PELI2: variants seen among roughly 807,000 people sequenced by gnomAD.
The protein encoded by PELI2 is pellino E3 ubiquitin protein ligase family member 2.
PELI2 carries 23 observed loss-of-function variants against 42.3 expected under a neutral mutation model. The ratio of observed to expected loss-of-function variants is 0.54; its 90% CI spans 0.39 to 0.77. The LOEUF (loss-of-function observed/expected upper bound fraction) is 0.77, where lower values mean the gene tolerates loss of function less well. Ranked by LOEUF, PELI2 falls within the 30% of genes least tolerant of loss-of-function variation. The probability of loss-of-function intolerance (pLI) is 0.00; values close to 1 mark genes in which losing one functional copy is unlikely to be tolerated. For missense variants in PELI2, 463 were observed against 553.2 expected (o/e 0.84, Z 1.64); for synonymous variants, 245 against 212.2 (o/e 1.15, Z -1.34).
chr14:56,231,846 A>T (rs1305344456), intron 2 of PELI2, among the ~76,000 whole-genome samples: 2 of 152,296 alleles, frequency 1.3e-5, no homozygotes, highest in East Asian at 3.9e-4. Flanking sequence ...GATCAACAAA[A>T]TTGATAGACT....
intron 2 of PELI2, among the ~76,000 whole-genome samples, chr14:56,266,786 C>T (rs1392536786): frequency 6.6e-6 from 1 of 152,018 alleles, no homozygotes; most frequent in Non-Finnish European, 1.5e-5. Flanking sequence ...AAACGAATAT[C>T]TGCATATTTG....
rs1476916644 is a variant in PELI2, at chr14:56,197,437, G to A, written c.207+18973G>A. Among the ~76,000 whole-genome samples, 1 of 152,094 alleles carries A rather than the reference G, an allele frequency of 6.6e-6. No homozygotes were observed. Among genetic ancestry groups the A allele is most frequent in the Admixed American group, 6.5e-5 (1 of 15,270 alleles). On this transcript the variant is annotated intron_variant, in intron 2 of 5. Coordinates refer to ENST00000267460, the MANE Select transcript of PELI2 (RefSeq NM_021255.3). The surrounding 1 kb of genome is among the most constrained non-coding windows in gnomAD (Gnocchi z 4.9). The stretch of plus-strand genomic sequence containing the variant: ...AGGGTACAGTCAAGTCTTGTTCATG[G>A]GCCTTGGCTTTAATCTGGTTGCAAT...
intron 1 of PELI2, among the ~76,000 whole-genome samples, chr14:56,162,872 C>T (rs1884814836): frequency 6.6e-6 from 1 of 151,968 alleles, no homozygotes; most frequent in Admixed American, 6.6e-5. Context: ...TTATGTTGAG[C>T]ACCTGTTTGT....
At position 56,162,659 on chromosome 14, in the gene PELI2, A is replaced by T. The variant is rs563988512; in HGVS notation, c.78-15676A>T. 2.0e-5 allele frequency among the ~76,000 whole-genome samples: 3 copies of T among 152,218 alleles called. No homozygotes were observed. The South Asian group carries it at 6.2e-4, about 32-fold the overall frequency. On this transcript the variant is annotated intron_variant, in intron 1 of 5. Coordinates refer to ENST00000267460, the MANE Select transcript of PELI2 (RefSeq NM_021255.3). ...GAGATTGCTGAGTCATATGGTGCTC[A>T]ATTTTTAGTTTTTTGAGGAACCTCC...
chr14:56,297,362 A>C lies in PELI2; in HGVS notation c.*196A>C, dbSNP rs761999603. 4 of 535,056 alleles carry C rather than the reference A, an allele frequency of 7.5e-6. No homozygotes were observed. Among genetic ancestry groups the C allele is most frequent in the Non-Finnish European group, 1.3e-5 (4 of 302,160 alleles). 33.1% of individuals were successfully genotyped at this position (535,056 alleles called of 1,614,324 possible). A position where few individuals can be genotyped will look rare whatever the true frequency, so the allele number is the denominator to read the frequency against. ...TGGTGTGTTGCATGCTCAAAACAGCAGCGTCGTCATTGAAGTCTGCTTGAT... is the reference window on the plus strand; with the variant it reads ...TGGTGTGTTGCATGCTCAAAACAGCCGCGTCGTCATTGAAGTCTGCTTGAT... On this transcript the variant is annotated 3_prime_UTR_variant, in exon 6 of 6. Transcript: ENST00000267460.
At chr14:56,282,125 G>A in intron 3 of PELI2, among the ~76,000 whole-genome samples, 1 of 152,042 alleles carries the variant, frequency 6.6e-6, no homozygotes, top group East Asian at 1.9e-4. Flanking sequence ...TCAAAGCATT[G>A]CTTAATAGGA....
chr14:56,212,350 T>C (rs1235151391), intron 2 of PELI2, among the ~76,000 whole-genome samples: 1 of 152,240 alleles, frequency 6.6e-6, no homozygotes, highest in Non-Finnish European at 1.5e-5. Flanking sequence ...TATTTCCCCC[T>C]GAACTCTCCT....
chr14:56,232,303 C>T (rs994657970), intron 2 of PELI2, among the ~76,000 whole-genome samples: 6 of 151,820 alleles, frequency 4.0e-5, no homozygotes, highest in Admixed American at 2.6e-4. Flanking sequence ...AGAGACACAA[C>T]AAAAAAAGAG....
intron 1 of PELI2, among the ~76,000 whole-genome samples, chr14:56,124,498 G>A (rs978853436): frequency 1.5e-4 from 23 of 152,182 alleles, no homozygotes; most frequent in Admixed American, 2.0e-4. Context: ...CCTTTTCCTG[G>A]TGAACTGCTC....
intron 2 of PELI2, among the ~76,000 whole-genome samples, chr14:56,213,641 A>T (rs1048100117): frequency 1.3e-5 from 2 of 152,104 alleles, no homozygotes; most frequent in African/African-American, 4.8e-5. Flanking sequence ...AGGAAGCAAA[A>T]ATGTGTTTGG....
At chr14:56,177,237 C>A (rs1307557981) in intron 1 of PELI2, among the ~76,000 whole-genome samples, 1 of 152,198 alleles carries the variant, frequency 6.6e-6, no homozygotes, top group East Asian at 1.9e-4. Context: ...TTTCTTCCAA[C>A]TTCTGTTTCC....
At chr14:56,126,318 C>T (rs1188455703) in intron 1 of PELI2, among the ~76,000 whole-genome samples, 2 of 152,190 alleles carry the variant, frequency 1.3e-5, no homozygotes, top group Non-Finnish European at 2.9e-5. Flanking sequence ...AATAAATATG[C>T]ATCAGGGGGC....
At chr14:56,238,776 C>T (rs779770026) in intron 2 of PELI2, among the ~76,000 whole-genome samples, 16 of 152,104 alleles carry the variant, frequency 1.1e-4, no homozygotes, top group South Asian at 2.1e-4. Context: ...TGGCAGATTC[C>T]GGGCCCACGA....
rs893005670 is a variant in PELI2 at position 56,120,672 on chromosome 14, T to C, written c.77+1935T>C. Among the ~76,000 whole-genome samples the C allele has an allele frequency of 3.9e-5, 6 of 152,204 alleles. No homozygotes were observed. The East Asian group carries it at 9.6e-4, about 24-fold the overall frequency. Reference sequence around the variant, plus strand: ...CTGATGCAGTGAGAACAGGGAACTTTCCTTTTAGAGTGGAGTGACAGGCAT... The same window carrying C: ...CTGATGCAGTGAGAACAGGGAACTTCCCTTTTAGAGTGGAGTGACAGGCAT... On this transcript the variant is annotated intron_variant, in intron 1 of 5. Transcript: ENST00000267460.
intron 1 of PELI2, among the ~76,000 whole-genome samples, chr14:56,145,892 G>GA: frequency 6.6e-6 from 1 of 152,280 alleles, no homozygotes; most frequent in African/African-American, 2.4e-5. Flanking sequence ...TAATATTACT[G>GA]AAGTATGTAG....
At chr14:56,253,399 G>A (rs542930021) in intron 2 of PELI2, among the ~76,000 whole-genome samples, 1 of 152,168 alleles carries the variant, frequency 6.6e-6, no homozygotes, top group East Asian at 1.9e-4. Context: ...TAGGAAAATA[G>A]GAAGTCACAT....
At chr14:56,249,409 C>G (rs1309669977) in intron 2 of PELI2, among the ~76,000 whole-genome samples, 1 of 152,158 alleles carries the variant, frequency 6.6e-6, no homozygotes, top group East Asian at 1.9e-4. Flanking sequence ...GAAAGCCTCT[C>G]CTCCCCCAGA....
chr14:56,229,449 G>T (rs1347844486), intron 2 of PELI2, among the ~76,000 whole-genome samples: 2 of 152,194 alleles, frequency 1.3e-5, no homozygotes, highest in African/African-American at 2.4e-5. Context: ...TTGCTGTTCT[G>T]CAGCCTCCAC....
At position 56,279,751 on chromosome 14, in the gene PELI2, C is replaced by G. The variant is rs770882641; in HGVS notation, c.283C>G (p.His95Asp). 2 of 1,587,608 alleles carry G rather than the reference C, an allele frequency of 1.3e-6. No individual in the cohort carries two copies. ...TCAGACTGTGGTGGTGGAGTACACA[C>G]ATGATAAGGATACGGATATGTTTCA... The part of the protein sequence containing the change: ...RNQTVVVEYT[H>D]DKDTDMFQVG... The change falls in exon 3 of 6, where the codon CAT becomes GAT. Residue 95 changes from histidine (H) to aspartate (D), a missense_variant. This residue lies in a region of PELI2 where 343 missense variants were observed against 378.4 expected (regional missense o/e 0.91). Coordinates refer to ENST00000267460, the MANE Select transcript of PELI2 (RefSeq NM_021255.3).
Sources: allele counts gnomAD v4.1 joint callset (sites outside exome capture counted in the v4.1 genomes callset), GRCh38; gene constraint gnomAD v4.1.1; regional missense constraint gnomAD v4.1.1; non-coding constraint Gnocchi (gnomAD v3.1); transcripts MANE v1.5; gene names NCBI Gene and HGNC (gene_info 2026-07-23, HGNC 2026-07-21).